The following TMEM30B variants were observed in gnomAD, a reference collection of about 807,000 sequenced individuals.
The protein encoded by TMEM30B is cell division cycle 50 P4-ATPase accessory subunit B.
Under a neutral mutation model 27.9 loss-of-function variants are expected in TMEM30B, and 25 were observed. That is an observed-to-expected ratio of 0.89 (90% CI 0.65 to 1.25). TMEM30B has a LOEUF of 1.25. Ranked by LOEUF, TMEM30B falls within the 50% of genes most tolerant of loss-of-function variation. The pLI, the probability that TMEM30B is intolerant of heterozygous loss-of-function variation, is 0.00. For synonymous variants in TMEM30B, 248 were observed against 238.5 expected, an observed-to-expected ratio of 1.04 and a Z score of -0.37; for missense variants, 536 against 506.5, an observed-to-expected ratio of 1.06 and a Z score of -0.56.
In TMEM30B at chr14:61,280,646, T is replaced by G; in HGVS notation, c.502A>C (p.Ser168Arg). The change falls in exon 1 of 1, where the codon AGC becomes CGC. Residue 168 changes from serine (S) to arginine (R), a missense_variant. By Grantham distance (110) the Ser-to-Arg change is moderately radical. Transcript: ENST00000555868. This position sits in a 1 kb window ranked among gnomAD's most constrained non-coding sequence, Gnocchi z 5.0. ...AGCGAGAAGGAGTCGTTGAAGAGGCTGTTGGCGATGGCGCCGCAGGGCGCG... is the reference window on the plus strand; with the variant it reads ...AGCGAGAAGGAGTCGTTGAAGAGGCGGTTGGCGATGGCGCCGCAGGGCGCG... ...PIAPCGAIANSLFNDSFSLWH... is the reference protein window; with the variant it reads ...PIAPCGAIANRLFNDSFSLWH... 2 of 1,572,264 alleles carry G rather than the reference T, an allele frequency of 1.3e-6. No homozygotes were observed. Among genetic ancestry groups the G allele is most frequent in the Non-Finnish European group, 1.7e-6 (2 of 1,159,688 alleles).
Position 61,280,481 on chromosome 14 carries a change from T to C in TMEM30B, c.667A>G (p.Thr223Ala), listed in dbSNP as rs563285234. 6.3e-5 allele frequency: 101 copies of C among 1,613,176 alleles called. 1 individual carries two copies. The East Asian group carries it at 9.8e-4, about 16-fold the overall frequency. ...CGGCGCCAGTTGGGCGGGGGCGCCG[T>C]GCCCTGGAAGGCCAACGCCAGGCTG... ...NGSLALAFQG[T>A]APPPNWRRPV... The change falls in exon 1 of 1, where the codon ACG becomes GCG. Residue 223 changes from threonine (T) to alanine (A), a missense_variant. Coordinates refer to ENST00000555868, the MANE Select transcript of TMEM30B (RefSeq NM_001017970.3). The surrounding 1 kb of genome is among the most constrained non-coding windows in gnomAD (Gnocchi z 5.0).
Position 61,279,790 on chromosome 14 carries a change from T to G in TMEM30B, c.*302A>C. 1 of 353,388 alleles carries G rather than the reference T, an allele frequency of 2.8e-6. No homozygotes were observed. Among genetic ancestry groups the G allele is most frequent in the Non-Finnish European group, 5.1e-6 (1 of 194,240 alleles). 21.9% of individuals were successfully genotyped at this position (353,388 alleles called of 1,614,324 possible). A position where few individuals can be genotyped will look rare whatever the true frequency, so the allele number is the denominator to read the frequency against. On this transcript the variant is annotated 3_prime_UTR_variant, in exon 1 of 1. Coordinates refer to ENST00000555868, the MANE Select transcript of TMEM30B (RefSeq NM_001017970.3). ...TCCTCTAATAGGGGTTTAATAGGAG[T>G]CTCCATAGGGATCCCTTCCACTCTC...
In TMEM30B at chr14:61,280,570, C is replaced by T. The variant is rs2140092360; in HGVS notation, c.578G>A (p.Arg193His). The T allele has an allele frequency of 1.2e-6, 2 of 1,604,702 alleles. No homozygotes were observed. The highest frequency in any genetic ancestry group is 1.1e-5 in the South Asian group (1 of 90,258). ...GTCGGTCCACCAGGCGATGCCGGAGCGGTCGAGCGGCACCTCGACGTAGGG... is the reference window on the plus strand; with the variant it reads ...GTCGGTCCACCAGGCGATGCCGGAGTGGTCGAGCGGCACCTCGACGTAGGG... ...GGPYVEVPLD[R>H]SGIAWWTDYH... The change falls in exon 1 of 1, where the codon CGC becomes CAC. Residue 193 changes from arginine to histidine, a missense_variant. Arg to His is a conservative substitution (Grantham distance 29). Coordinates refer to ENST00000555868, the MANE Select transcript of TMEM30B (RefSeq NM_001017970.3). This position sits in a 1 kb window ranked among gnomAD's most constrained non-coding sequence, Gnocchi z 5.0.
In TMEM30B at chr14:61,280,320, G is replaced by C; in HGVS notation, c.828C>G (p.Ala276=). The C allele has an allele frequency of 6.2e-7, 1 of 1,613,874 alleles. No individual in the cohort carries two copies. The highest frequency in any genetic ancestry group is 8.5e-7 in the Non-Finnish European group (1 of 1,179,958). ...YARIRQGNYS[A]GLPRGAYRVN... is the part of the protein sequence containing the mutation. ...CGCGGTAGGCGCCCCGCGGCAGCCC[G>C]GCCGAGTAGTTGCCCTGGCGGATGC... The change falls in exon 1 of 1, where the codon GCC becomes GCG. Residue 276 remains alanine (A), a synonymous_variant. Coordinates refer to ENST00000555868, the MANE Select transcript of TMEM30B (RefSeq NM_001017970.3). The surrounding 1 kb of genome is among the most constrained non-coding windows in gnomAD (Gnocchi z 5.0).
At position 61,277,787 on chromosome 14, in the gene TMEM30B, C is replaced by T. The variant is rs1330418691; in HGVS notation, c.*2305G>A. ...TTGAGGACTATCTAGTTTATATACA[C>T]GTTGAGGTTGATAAAGTTCAAATTC... On this transcript the variant is annotated 3_prime_UTR_variant, in exon 1 of 1. Transcript: ENST00000555868. 3 of 152,000 alleles carry T rather than the reference C, an allele frequency of 2.0e-5. No individual in the cohort carries two copies. Among genetic ancestry groups the T allele is most frequent in the African/African-American group, 4.8e-5 (2 of 41,356 alleles). 9.4% of individuals were successfully genotyped at this position (152,000 alleles called of 1,614,324 possible).
chr14:61,280,333 C>T lies in TMEM30B; in HGVS notation c.815G>A (p.Gly272Asp), dbSNP rs1254490263. 2 of 1,613,902 alleles carry T rather than the reference C, an allele frequency of 1.2e-6. No individual in the cohort carries two copies. The highest frequency in any genetic ancestry group is 2.2e-5 in the East Asian group (1 of 44,872). Residue 272 changes from glycine (G) to aspartate (D), a missense_variant, in exon 1 of 1, where the codon GGC becomes GAC. Transcript: ENST00000555868. This position sits in a 1 kb window ranked among gnomAD's most constrained non-coding sequence, Gnocchi z 5.0. ...FRKLYARIRQGNYSAGLPRGA... is the reference protein window; with the variant it reads ...FRKLYARIRQDNYSAGLPRGA... ...CCGCGGCAGCCCGGCCGAGTAGTTG[C>T]CCTGGCGGATGCGCGCGTACAGTTT...
At position 61,281,055 on chromosome 14, in the gene TMEM30B, C is replaced by G. The variant is rs962510985; in HGVS notation, c.93G>C (p.Ser31=). Residue 31 remains serine, a synonymous_variant, in exon 1 of 1, where the codon TCG becomes TCC. Coordinates refer to ENST00000555868, the MANE Select transcript of TMEM30B (RefSeq NM_001017970.3). ...AGAAGAGCGGCAGCGCGATGCTGGC[C>G]GACAGCAGCGGCTGCCAGGCGGGGA... ...QRLPAWQPLL[S]ASIALPLFFC... The G allele has an allele frequency of 6.6e-7, 1 of 1,521,798 alleles. No homozygotes were observed. Among genetic ancestry groups the G allele is most frequent in the South Asian group, 1.2e-5 (1 of 81,252 alleles). The allele number at this position is 1,521,798 out of a possible 1,614,324, so 94.3% of individuals were successfully genotyped here. A position where few individuals can be genotyped will look rare whatever the true frequency, so the allele number is the denominator to read the frequency against.
chr14:61,279,000 C>CAG lies in TMEM30B; in HGVS notation c.*1091_*1092insCT, dbSNP rs2045230057. On this transcript the variant is annotated 3_prime_UTR_variant, in exon 1 of 1. Transcript: ENST00000555868. ...TCACACACACACACACACACACACACACACACACACACAATGACAAAGAAC... is the reference window on the plus strand; with the variant it reads ...TCACACACACACACACACACACACACAGACACACACACACAATGACAAAGAAC... 1.3e-5 allele frequency: 2 copies of CAG among 151,976 alleles called. No individual in the cohort carries two copies. The highest frequency in any genetic ancestry group is 2.9e-5 in the Non-Finnish European group (2 of 68,062). The allele number at this position is 151,976 out of a possible 1,614,324, so 9.4% of individuals were successfully genotyped here.
Position 61,281,201 on chromosome 14 carries a change from G to C in TMEM30B, c.-54C>G, listed in dbSNP as rs2045262623. 2.6e-6 allele frequency: 3 copies of C among 1,149,336 alleles called. No homozygotes were observed. The highest frequency in any genetic ancestry group is 3.3e-6 in the Non-Finnish European group (3 of 899,070). The allele number at this position is 1,149,336 out of a possible 1,614,324, so 71.2% of individuals were successfully genotyped here. ...CTGACCGAGTGGGGGCCCCGCCGCG[G>C]GGCGCCTCCCTCTCCGCGCCGCGCA... is the stretch of plus-strand genomic sequence containing the variant. On this transcript the variant is annotated 5_prime_UTR_variant, in exon 1 of 1. Transcript: ENST00000555868.
Position 61,280,264 on chromosome 14 carries a change from G to A in TMEM30B, c.884C>T (p.Ala295Val). 1.2e-6 allele frequency: 2 copies of A among 1,614,102 alleles called. No homozygotes were observed. The highest frequency in any genetic ancestry group is 1.7e-6 in the Non-Finnish European group (2 of 1,180,014). The change falls in exon 1 of 1, where the codon GCG becomes GTG. Residue 295 changes from alanine to valine, a missense_variant. Transcript: ENST00000555868. The surrounding 1 kb of genome is among the most constrained non-coding windows in gnomAD (Gnocchi z 5.0). ...GATGAGGAGCTTGTGGCCGCCGAAC[G>A]CGCGCACCGGGTAGTTGTAGGTGAT... is the stretch of plus-strand genomic sequence containing the variant. Reference protein sequence around the residue: ...VNITYNYPVRAFGGHKLLIFS... With the variant: ...VNITYNYPVRVFGGHKLLIFS...
In TMEM30B at chr14:61,280,781, G is replaced by T; in HGVS notation, c.367C>A (p.Arg123Ser). ...GCGTCGTCGCGGGACACGCCGTAGC[G>T]CCGGTTGTTCTGGTAGAAGTTGGTC... ...ELTNFYQNNRRYGVSRDDAQL... is the reference protein window; with the variant it reads ...ELTNFYQNNRSYGVSRDDAQL... Residue 123 changes from arginine to serine, a missense_variant, in exon 1 of 1, where the codon CGC becomes AGC. By Grantham distance (110) the Arg-to-Ser change is moderately radical. Coordinates refer to ENST00000555868, the MANE Select transcript of TMEM30B (RefSeq NM_001017970.3). This position sits in a 1 kb window ranked among gnomAD's most constrained non-coding sequence, Gnocchi z 5.0. 6.4e-7 allele frequency: 1 copy of T among 1,555,868 alleles called. No individual in the cohort carries two copies. The highest frequency in any genetic ancestry group is 1.4e-5 in the African/African-American group (1 of 73,914).
At position 61,280,038 on chromosome 14, in the gene TMEM30B, A is replaced by G. The variant is rs2045241996; in HGVS notation, c.*54T>C. 3 of 1,480,224 alleles carry G rather than the reference A, an allele frequency of 2.0e-6. No homozygotes were observed. The highest frequency in any genetic ancestry group is 2.7e-6 in the Non-Finnish European group (3 of 1,103,946). The allele number at this position is 1,480,224 out of a possible 1,614,324, so 91.7% of individuals were successfully genotyped here. On this transcript the variant is annotated 3_prime_UTR_variant, in exon 1 of 1. Coordinates refer to ENST00000555868, the MANE Select transcript of TMEM30B (RefSeq NM_001017970.3). This position sits in a 1 kb window ranked among gnomAD's most constrained non-coding sequence, Gnocchi z 5.0. ...TGACGGGCGAGGAGGAGATGCCAAA[A>G]GCACCTTGCAAGAGTTTTGGCAAGA...
Position 61,280,964 on chromosome 14 carries a change from C to A in TMEM30B, c.184G>T (p.Glu62Ter). The change falls in exon 1 of 1, where the codon GAG becomes TAG. Residue 62 changes from glutamate (E) to a stop codon, truncating the protein, a stop_gained. Coordinates refer to ENST00000555868, the MANE Select transcript of TMEM30B (RefSeq NM_001017970.3). LOFTEE classifies it high-confidence loss of function. This position sits in a 1 kb window ranked among gnomAD's most constrained non-coding sequence, Gnocchi z 5.0. ...GLYYSSNGIK[E>*]LEYDYTGDPG... ...TCGCCTGTATAGTCGTACTCCAGCTCCTTGATGCCGTTGGAGGAGTAGTAG... is the reference window on the plus strand; with the variant it reads ...TCGCCTGTATAGTCGTACTCCAGCTACTTGATGCCGTTGGAGGAGTAGTAG... The A allele has an allele frequency of 6.5e-7, 1 of 1,543,342 alleles. No individual in the cohort carries two copies. The highest frequency in any genetic ancestry group is 2.4e-5 in the East Asian group (1 of 40,986).
chr14:61,280,363 A>G lies in TMEM30B; in HGVS notation c.785T>C (p.Phe262Ser), dbSNP rs2045246657. 2 of 1,613,846 alleles carry G rather than the reference A, an allele frequency of 1.2e-6. No individual in the cohort carries two copies. Among genetic ancestry groups the G allele is most frequent in the East Asian group, 2.2e-5 (1 of 44,880 alleles). The change falls in exon 1 of 1, where the codon TTC becomes TCC. Residue 262 changes from phenylalanine (F) to serine (S), a missense_variant. Physicochemically the swap from Phe to Ser is radical, Grantham distance 155 (BLOSUM62 -2). Transcript: ENST00000555868. The surrounding 1 kb of genome is among the most constrained non-coding windows in gnomAD (Gnocchi z 5.0). ...VWMRTAALPT[F>S]RKLYARIRQG... ...GCGGATGCGCGCGTACAGTTTGCGGAACGTGGGCAGCGCCGCCGTGCGCAT... is the reference window on the plus strand; with the variant it reads ...GCGGATGCGCGCGTACAGTTTGCGGGACGTGGGCAGCGCCGCCGTGCGCAT...
rs2045213273 is a variant in TMEM30B, at chr14:61,277,409, G to A, written c.*2683C>T. On this transcript the variant is annotated 3_prime_UTR_variant, in exon 1 of 1. Transcript: ENST00000555868. ...TTTTATTTTACAAAGTTAGGTCAAA[G>A]CTCATTTCCAGTCCAATTGTTGAGG... The A allele has an allele frequency of 6.6e-6, 1 of 152,040 alleles. No individual in the cohort carries two copies. Among genetic ancestry groups the A allele is most frequent in the African/African-American group, 2.4e-5 (1 of 41,386 alleles). 9.4% of individuals were successfully genotyped at this position (152,040 alleles called of 1,614,324 possible). A position where few individuals can be genotyped will look rare whatever the true frequency, so the allele number is the denominator to read the frequency against.
Position 61,279,934 on chromosome 14 carries a change from C to A in TMEM30B, c.*158G>T. On this transcript the variant is annotated 3_prime_UTR_variant, in exon 1 of 1. Transcript: ENST00000555868. ...GCGGCAAGACAGTCTAGCAGCCCCC[C>A]AAGAGCAAGGGGGGTAATTCCCTTA... 1.5e-6 allele frequency: 1 copy of A among 671,070 alleles called. No homozygotes were observed. Among genetic ancestry groups the A allele is most frequent in the Non-Finnish European group, 2.5e-6 (1 of 398,848 alleles). 41.6% of individuals were successfully genotyped at this position (671,070 alleles called of 1,614,324 possible).
chr14:61,280,674 G>A lies in TMEM30B; in HGVS notation c.474C>T (p.Pro158=). The A allele has an allele frequency of 1.3e-6, 2 of 1,573,482 alleles. No individual in the cohort carries two copies. Among genetic ancestry groups the A allele is most frequent in the South Asian group, 2.3e-5 (2 of 86,816 alleles). Reference sequence around the variant, plus strand: ...TGGCGATGGCGCCGCAGGGCGCGATGGGCAGGCCGGCCGCGCTGCGCTGGT... The same window carrying A: ...TGGCGATGGCGCCGCAGGGCGCGATAGGCAGGCCGGCCGCGCTGCGCTGGT... ...APYQRSAAGL[P]IAPCGAIANS... is the part of the protein sequence containing the mutation. Residue 158 remains proline (P), a synonymous_variant, in exon 1 of 1, where the codon CCC becomes CCT. Transcript: ENST00000555868. This position sits in a 1 kb window ranked among gnomAD's most constrained non-coding sequence, Gnocchi z 5.0.
In TMEM30B at chr14:61,279,746, G is replaced by T; in HGVS notation, c.*346C>A. On this transcript the variant is annotated 3_prime_UTR_variant, in exon 1 of 1. Coordinates refer to ENST00000555868, the MANE Select transcript of TMEM30B (RefSeq NM_001017970.3). The stretch of plus-strand genomic sequence containing the variant: ...TGCCTGATCTTTGTTACTTCACATT[G>T]CTAGGTCTCTCAATCTCTTCCTCTA... 1 of 235,972 alleles carries T rather than the reference G, an allele frequency of 4.2e-6. No individual in the cohort carries two copies. Among genetic ancestry groups the T allele is most frequent in the Middle Eastern group, 1.6e-3 (1 of 636 alleles). The allele number at this position is 235,972 out of a possible 1,614,324, so 14.6% of individuals were successfully genotyped here. A position where few individuals can be genotyped will look rare whatever the true frequency, so the allele number is the denominator to read the frequency against.
chr14:61,278,455 A>G lies in TMEM30B; in HGVS notation c.*1637T>C, dbSNP rs2045223692. ...GATGTCAATGACATGCACATTGTCC[A>G]TGTTCAGTAATTTTCAAAGACTAGA... On this transcript the variant is annotated 3_prime_UTR_variant, in exon 1 of 1. Coordinates refer to ENST00000555868, the MANE Select transcript of TMEM30B (RefSeq NM_001017970.3). The G allele has an allele frequency of 6.6e-6, 1 of 152,260 alleles. No individual in the cohort carries two copies. The highest frequency in any genetic ancestry group is 2.1e-4 in the South Asian group (1 of 4,838). 9.4% of individuals were successfully genotyped at this position (152,260 alleles called of 1,614,324 possible).
Sources: allele counts gnomAD v4.1 joint callset, GRCh38; gene constraint gnomAD v4.1.1; non-coding constraint Gnocchi (gnomAD v3.1); transcripts MANE v1.5; gene names NCBI Gene and HGNC (gene_info 2026-07-23, HGNC 2026-07-21).